Variants in CHN1 observed in about 807,000 individuals in gnomAD.
CHN1 encodes N-chimaerin.
A neutral mutation model predicts 59.5 loss-of-function variants in CHN1; 37 were observed. The ratio of observed to expected loss-of-function variants is 0.62; its 90% CI spans 0.48 to 0.82. The LOEUF is 0.82. Ranked by LOEUF, CHN1 falls within the 40% of genes least tolerant of loss-of-function variation. The pLI is 0.00. For missense variants in CHN1, 469 were observed against 571.0 expected (o/e 0.82, Z 1.82); for synonymous variants, 206 against 200.4 (o/e 1.03, Z -0.24).
chr2:174,810,884 C>T (rs1685048341), intron 10 of CHN1: 1 of 152,186 alleles, frequency 6.6e-6, no homozygotes, highest in Admixed American at 6.5e-5. Flanking sequence ...TCTTTGGAAC[C>T]ACCTTGTTCT....
Position 175,005,340 on chromosome 2 carries a change from C to A in CHN1, c.-428G>T. The A allele has an allele frequency of 8.6e-7, 1 of 1,158,338 alleles. No homozygotes were observed. Among genetic ancestry groups the A allele is most frequent in the South Asian group, 1.8e-5 (1 of 55,620 alleles). 71.8% of individuals were successfully genotyped at this position (1,158,338 alleles called of 1,614,324 possible). On this transcript the variant is annotated 5_prime_UTR_variant, in exon 1 of 13. Coordinates refer to ENST00000409900, the MANE Select transcript of CHN1 (RefSeq NM_001822.7). ...CCGGCGGGGCGCGCTCACTCCGCAT[C>A]CCGCGGCCTCGCAGACGCCATCTTG...
At chr2:174,945,645 A>G (rs566390502) in intron 2 of CHN1, among the ~76,000 whole-genome samples, 1 of 152,260 alleles carries the variant, frequency 6.6e-6, no homozygotes, top group East Asian at 1.9e-4. Flanking sequence ...GTGTGGCTAT[A>G]TATGTCTAAG....
At chr2:174,845,093 C>G (rs927021133) in intron 7 of CHN1, among the ~76,000 whole-genome samples, 1 of 152,108 alleles carries the variant, frequency 6.6e-6, no homozygotes, top group African/African-American at 2.4e-5. Context: ...AATTGAGAAA[C>G]AACTGGAAGA....
rs1364722638 is a variant in CHN1, at chr2:174,866,568, C to T, written c.549+11272G>A. On this transcript the variant is annotated intron_variant, in intron 6 of 12. Transcript: ENST00000409900. Reference sequence around the variant, plus strand: ...AAGGTGACAAAGGGAATTCACTATTCACATTGAAATACTTGGTAATTAGAA... The same window carrying T: ...AAGGTGACAAAGGGAATTCACTATTTACATTGAAATACTTGGTAATTAGAA... Among the ~76,000 whole-genome samples the T allele has an allele frequency of 1.3e-5, 2 of 152,118 alleles. 1 individual carries two copies. Among genetic ancestry groups the T allele is most frequent in the Non-Finnish European group, 2.9e-5 (2 of 68,014 alleles).
chr2:174,943,206 G>GTGTA, intron 3 of CHN1, among the ~76,000 whole-genome samples: 1 of 148,982 alleles, frequency 6.7e-6, no homozygotes, highest in Non-Finnish European at 1.5e-5. Flanking sequence ...GTGTGTGTGT[G>GTGTA]TGTATGTGTG....
intron 3 of CHN1, among the ~76,000 whole-genome samples, chr2:174,939,395 A>G (rs952834499): frequency 6.6e-6 from 1 of 152,214 alleles, no homozygotes; most frequent in Non-Finnish European, 1.5e-5. Flanking sequence ...CATATACTTT[A>G]TAACTGTGAA....
chr2:174,865,250 T>C (rs960696928), intron 6 of CHN1, among the ~76,000 whole-genome samples: 12 of 152,202 alleles, frequency 7.9e-5, no homozygotes, highest in African/African-American at 2.9e-4. Flanking sequence ...ATCTGAACCA[T>C]GCTTCAACTT....
At chr2:174,898,716 T>C (rs979068681) in intron 5 of CHN1, among the ~76,000 whole-genome samples, 6 of 152,218 alleles carry the variant, frequency 3.9e-5, no homozygotes, top group Non-Finnish European at 5.9e-5. Context: ...AGATTTTTTT[T>C]CTACAAGATC....
chr2:175,004,853 G>T, intron 1 of CHN1, 41 bp downstream of exon 1: 1 of 1,324,240 alleles, frequency 7.6e-7, no homozygotes. Flanking sequence ...GCCCCGGGAC[G>T]CGGCCCACCT....
chr2:174,851,321 C>T (rs1025684268), intron 6 of CHN1, among the ~76,000 whole-genome samples: 5 of 151,992 alleles, frequency 3.3e-5, no homozygotes, highest in African/African-American at 9.7e-5. Flanking sequence ...ACTCTATTGC[C>T]CAGACTGGAG....
chr2:174,915,293 T>C, intron 4 of CHN1, 122 bp from the exon 5 acceptor site: 1 of 756,678 alleles, frequency 1.3e-6, no homozygotes, highest in South Asian at 1.7e-5. Flanking sequence ...TGCCACATAA[T>C]GGAAGGGAAG....
rs1242358092 is a variant in CHN1, at chr2:174,801,836, A to G, written c.1103-24T>C. ...TTCTAAAATAGCAAGTCGAATACCA[A>G]GAAGAAAAGAAATAACACAAAACTG... is the stretch of plus-strand genomic sequence containing the variant. On this transcript the variant is annotated intron_variant, in intron 11 of 12. Coordinates refer to ENST00000409900, the MANE Select transcript of CHN1 (RefSeq NM_001822.7). 3 of 1,520,572 alleles carry G rather than the reference A, an allele frequency of 2.0e-6. No homozygotes were observed. In the African/African-American group the frequency reaches 4.1e-5, roughly 21 times the overall value. 94.2% of individuals were successfully genotyped at this position (1,520,572 alleles called of 1,614,324 possible). A position where few individuals can be genotyped will look rare whatever the true frequency, so the allele number is the denominator to read the frequency against.
chr2:174,895,211 T>TACAC (rs755478374), intron 5 of CHN1, among the ~76,000 whole-genome samples: 21 of 142,062 alleles, frequency 1.5e-4, no homozygotes, highest in African/African-American at 5.3e-4. Flanking sequence ...TATATATATA[T>TACAC]ATACACACAC....
chr2:174,801,414 T>G (rs1253972671), intron 12 of CHN1, among the ~76,000 whole-genome samples: 1 of 152,238 alleles, frequency 6.6e-6, no homozygotes, highest in Non-Finnish European at 1.5e-5. Context: ...AACTCTATCT[T>G]TCCACAAAAA....
chr2:174,887,064 G>A (rs1288989215), intron 5 of CHN1, among the ~76,000 whole-genome samples: 8 of 151,954 alleles, frequency 5.3e-5, no homozygotes, highest in Non-Finnish European at 1.0e-4. Flanking sequence ...TATATAAATG[G>A]AATTACATAA....
intron 7 of CHN1, among the ~76,000 whole-genome samples, chr2:174,836,551 A>G (rs1686087850): frequency 6.6e-6 from 1 of 152,190 alleles, no homozygotes; most frequent in South Asian, 2.1e-4. Flanking sequence ...TCACCCAGCA[A>G]AGTGTTACAT....
At chr2:174,842,059 C>G (rs1421704644) in intron 7 of CHN1, among the ~76,000 whole-genome samples, 1 of 152,096 alleles carries the variant, frequency 6.6e-6, no homozygotes, top group East Asian at 1.9e-4. Context: ...CAATAGAAGA[C>G]TCTATTTTTG....
intron 11 of CHN1, among the ~76,000 whole-genome samples, chr2:174,803,750 C>T (rs1684802292): frequency 6.6e-6 from 1 of 151,962 alleles, no homozygotes; most frequent in Admixed American, 6.6e-5. Context: ...GACAAGGTCT[C>T]ACTATGTTGC....
chr2:174,893,422 CTTGTA>C (rs1688116789), intron 5 of CHN1, among the ~76,000 whole-genome samples: 1 of 152,082 alleles, frequency 6.6e-6, no homozygotes, highest in Admixed American at 6.5e-5. Context: ...AGGCAAAAGA[CTTGTA>C]TACTAAAAAC....
Sources: allele counts gnomAD v4.1 joint callset (sites outside exome capture counted in the v4.1 genomes callset), GRCh38; gene constraint gnomAD v4.1.1; transcripts MANE v1.5; gene names NCBI Gene and HGNC (gene_info 2026-07-23, HGNC 2026-07-21).